Variants in PIN1 observed in about 807,000 individuals in gnomAD.
The protein encoded by PIN1 is peptidylprolyl cis/trans isomerase, NIMA-interacting 1.
PIN1 carries 8 observed loss-of-function variants against 19.9 expected under a neutral mutation model. That is an observed-to-expected ratio of 0.40 (90% CI 0.24 to 0.72). The LOEUF is 0.72. Ranked by LOEUF, PIN1 falls within the 30% of genes least tolerant of loss-of-function variation. The pLI, the probability that PIN1 is intolerant of heterozygous loss-of-function variation, is 0.37. For missense variants in PIN1, 185 were observed against 226.5 expected (o/e 0.82, Z 1.18); for synonymous variants, 86 against 90.8 (o/e 0.95, Z 0.30).
chr19:9,835,564 A>C, intron 1 of PIN1, 162 bp downstream of exon 1: 1 of 573,004 alleles, frequency 1.7e-6, no homozygotes, highest in Non-Finnish European at 2.8e-6. Context: ...TGTTGTGGGG[A>C]CTGCGAGCCT....
chr19:9,839,045 G>C (rs1056858924), intron 2 of PIN1, among the ~76,000 whole-genome samples: 1 of 152,174 alleles, frequency 6.6e-6, no homozygotes, highest in Admixed American at 6.5e-5. Flanking sequence ...TGCACAGTAG[G>C]CCCTCAGTCT....
intron 3 of PIN1, 130 bp from the exon 4 acceptor site, chr19:9,848,960 G>C: frequency 1.5e-6 from 1 of 653,210 alleles, no homozygotes; most frequent in Non-Finnish European, 2.8e-6. Context: ...CATGGTGACG[G>C]ATGAGTGTGG....
chr19:9,836,832 T>A (rs1304019040), intron 1 of PIN1: 1 of 1,286,984 alleles, frequency 7.8e-7, no homozygotes, highest in Non-Finnish European at 1.0e-6. Context: ...GAGTAAACAC[T>A]CAGGAAGCGT....
At chr19:9,848,683 G>T in intron 3 of PIN1, 1 of 278,122 alleles carries the variant, frequency 3.6e-6, no homozygotes, top group Non-Finnish European at 7.0e-6. Flanking sequence ...GGGTTGCAGG[G>T]TGTGGTGTGC....
intron 2 of PIN1, among the ~76,000 whole-genome samples, chr19:9,842,810 C>T (rs1025912685): frequency 6.6e-6 from 1 of 152,222 alleles, no homozygotes; most frequent in Non-Finnish European, 1.5e-5. Flanking sequence ...TGGATGTTCT[C>T]CCCTCGAGGG....
chr19:9,839,813 C>T (rs908194735), intron 2 of PIN1, among the ~76,000 whole-genome samples: 12 of 152,088 alleles, frequency 7.9e-5, no homozygotes, highest in African/African-American at 2.7e-4. Flanking sequence ...CCAGCTTGGG[C>T]AACATAGCAA....
At chr19:9,840,614 C>G (rs1216917190) in intron 2 of PIN1, among the ~76,000 whole-genome samples, 2 of 152,074 alleles carry the variant, frequency 1.3e-5, no homozygotes, top group Non-Finnish European at 2.9e-5. Context: ...TCTCCTTCTT[C>G]TTTTGAGACA....
At position 9,846,973 on chromosome 19, in the gene PIN1, C is replaced by T. The variant is rs908707311; in HGVS notation, c.272-1057C>T. Among the ~76,000 whole-genome samples, 4 of 152,094 alleles carry T rather than the reference C, an allele frequency of 2.6e-5. No individual in the cohort carries two copies. The highest frequency in any genetic ancestry group is 9.7e-5 in the African/African-American group (4 of 41,416). On this transcript the variant is annotated intron_variant, in intron 2 of 3. Transcript: ENST00000247970. This position sits in a 1 kb window ranked among gnomAD's most constrained non-coding sequence, Gnocchi z 5.9. ...GGCTGCCCTGGCTTGCTGGGGCTGT[C>T]GCACCACTGGCCTAGGGAGGACACT...
intron 2 of PIN1, among the ~76,000 whole-genome samples, chr19:9,842,793 C>A (rs1248544063): frequency 6.6e-6 from 1 of 152,212 alleles, no homozygotes; most frequent in Non-Finnish European, 1.5e-5. Context: ...TTTTCTCTTC[C>A]ATGAAGTGGA....
Position 9,838,033 on chromosome 19 carries a change from G to A in PIN1, c.59-403G>A. The A allele has an allele frequency of 3.2e-6, 1 of 311,848 alleles. No homozygotes were observed. Among genetic ancestry groups the A allele is most frequent in the Non-Finnish European group, 6.3e-6 (1 of 160,000 alleles). 19.3% of individuals were successfully genotyped at this position (311,848 alleles called of 1,614,324 possible). A position where few individuals can be genotyped will look rare whatever the true frequency, so the allele number is the denominator to read the frequency against. On this transcript the variant is annotated intron_variant, in intron 1 of 3. Coordinates refer to ENST00000247970, the MANE Select transcript of PIN1 (RefSeq NM_006221.4). This position sits in a 1 kb window ranked among gnomAD's most constrained non-coding sequence, Gnocchi z 5.8. ...GCAGGTGAGAACACCAAGGCCCAGG[G>A]AAGATATATCACATTTGAACCCAGA...
chr19:9,848,429 G>A, intron 3 of PIN1: 2 of 440,926 alleles, frequency 4.5e-6, no homozygotes, highest in Admixed American at 7.0e-5. Flanking sequence ...CACCAAGGTG[G>A]GTACATCCTG....
Position 9,844,757 on chromosome 19 carries a change from C to T in PIN1, c.272-3273C>T, listed in dbSNP as rs1295977198. ...AGGAAGTCTGGCCTTAGGGTCGCAG[C>T]CTGAGTTTCAGGCAGATAGGGCATG... On this transcript the variant is annotated intron_variant, in intron 2 of 3. Coordinates refer to ENST00000247970, the MANE Select transcript of PIN1 (RefSeq NM_006221.4). Among the ~76,000 whole-genome samples, 3 of 152,312 alleles carry T rather than the reference C, an allele frequency of 2.0e-5. 1 individual carries two copies. Among genetic ancestry groups the T allele is most frequent in the South Asian group, 4.1e-4 (2 of 4,828 alleles).
chr19:9,837,152 ATTGTTTGT>A (rs765926704), intron 1 of PIN1: 2 of 262,496 alleles, frequency 7.6e-6, no homozygotes, highest in Non-Finnish European at 7.7e-6. Flanking sequence ...TTTATTTTTT[ATTGTTTGT>A]TTGTTTGTTT....
At position 9,849,192 on chromosome 19, in the gene PIN1, C is replaced by A. The variant is rs376462691; in HGVS notation, c.485C>A (p.Thr162Asn). Residue 162 changes from threonine (T) to asparagine (N), a missense_variant, in exon 4 of 4, where the codon ACT becomes AAT. By Grantham distance (65) the Thr-to-Asn change is moderately conservative (BLOSUM62 0). Transcript: ENST00000247970. ...TDSGIHIILR[T>N]E is the part of the protein sequence containing the mutation. Reference sequence around the variant, plus strand: ...TCCGGCATCCACATCATCCTCCGCACTGAGTGAGGGTGGGGAGCCCAGGCC... The same window carrying A: ...TCCGGCATCCACATCATCCTCCGCAATGAGTGAGGGTGGGGAGCCCAGGCC... 3 of 1,606,946 alleles carry A rather than the reference C, an allele frequency of 1.9e-6. No homozygotes were observed. The highest frequency in any genetic ancestry group is 2.7e-5 in the African/African-American group (2 of 74,810).
intron 2 of PIN1, among the ~76,000 whole-genome samples, chr19:9,839,535 G>A (rs2046143960): frequency 6.6e-6 from 1 of 152,208 alleles, no homozygotes; most frequent in Admixed American, 6.5e-5. Flanking sequence ...CACCAAGGTG[G>A]CAAACTTTAA....
intron 1 of PIN1, chr19:9,836,466 A>G (rs2046106622): frequency 1.0e-5 from 2 of 195,322 alleles, no homozygotes; most frequent in East Asian, 2.6e-4. Context: ...ACCCTGCTCT[A>G]GCCCTGGCCT....
chr19:9,841,240 C>T (rs889162), intron 2 of PIN1, among the ~76,000 whole-genome samples: 28,255 of 152,142 alleles, frequency 0.19, 2,958 homozygotes, highest in East Asian at 0.23. Context: ...AGAGAGAAGC[C>T]GAGTTCTTGC....
chr19:9,839,775 A>G (rs2046146067), intron 2 of PIN1, among the ~76,000 whole-genome samples: 1 of 152,164 alleles, frequency 6.6e-6, no homozygotes, highest in African/African-American at 2.4e-5. Flanking sequence ...CCTGTGCGGG[A>G]GGATCACTTG....
intron 2 of PIN1, among the ~76,000 whole-genome samples, chr19:9,842,236 AGGAC>A (rs2046174584): frequency 6.6e-6 from 1 of 152,078 alleles, no homozygotes; most frequent in South Asian, 2.1e-4. Context: ...CAGGATAGAG[AGGAC>A]TGGGTGATGG....
Sources: allele counts gnomAD v4.1 joint callset (sites outside exome capture counted in the v4.1 genomes callset), GRCh38; gene constraint gnomAD v4.1.1; non-coding constraint Gnocchi (gnomAD v3.1); transcripts MANE v1.5; gene names NCBI Gene and HGNC (gene_info 2026-07-23, HGNC 2026-07-21).